SGCZ: variants seen among roughly 807,000 people sequenced by gnomAD.
SGCZ encodes sarcoglycan zeta.
In SGCZ, 40 loss-of-function variants were observed where a neutral mutation model predicts 41.3. The observed-to-expected ratio is 0.97, with a 90% CI of 0.75 to 1.26. SGCZ has a LOEUF of 1.26. SGCZ is among the 50% of genes most tolerant of loss of function. SGCZ has a pLI of 0.00. For synonymous variants in SGCZ, 206 were observed against 137.5 expected (o/e 1.50, Z -3.49); for missense variants, 552 against 369.8 (o/e 1.49, Z -4.04).
chr8:14,592,600 A>C (rs1346748661), intron 1 of SGCZ, among the ~76,000 whole-genome samples: 1 of 152,162 alleles, frequency 6.6e-6, no homozygotes, highest in Non-Finnish European at 1.5e-5. Flanking sequence ...TATTCAAAAA[A>C]AAAATCTGTA....
intron 1 of SGCZ, among the ~76,000 whole-genome samples, chr8:15,196,974 G>T (rs1189686554): frequency 1.3e-5 from 2 of 152,152 alleles, no homozygotes; most frequent in East Asian, 3.9e-4. Flanking sequence ...TTATTTACAT[G>T]GTGGTCTCAG....
At chr8:14,336,978 A>C (rs1487060031) in intron 2 of SGCZ, among the ~76,000 whole-genome samples, 2 of 152,146 alleles carry the variant, frequency 1.3e-5, no homozygotes, top group Non-Finnish European at 2.9e-5. Flanking sequence ...GCACTGTTCC[A>C]GGTGTACAGA....
intron 1 of SGCZ, among the ~76,000 whole-genome samples, chr8:14,954,108 C>T (rs74614577): frequency 6.6e-6 from 1 of 152,160 alleles, no homozygotes; most frequent in African/African-American, 2.4e-5. Flanking sequence ...AAAACAATAA[C>T]TTCATTCTAT....
chr8:14,482,573 C>T (rs1001194304), intron 2 of SGCZ, among the ~76,000 whole-genome samples: 1 of 152,106 alleles, frequency 6.6e-6, no homozygotes, highest in Non-Finnish European at 1.5e-5. Flanking sequence ...TAATTTTCTG[C>T]TTCGACTTGA....
intron 1 of SGCZ, among the ~76,000 whole-genome samples, chr8:14,988,110 T>C (rs1159401724): frequency 6.6e-6 from 1 of 152,016 alleles, no homozygotes; most frequent in Non-Finnish European, 1.5e-5. Context: ...AATGGTGATT[T>C]AAAATATATT....
intron 1 of SGCZ, among the ~76,000 whole-genome samples, chr8:15,065,823 T>A (rs534572447): frequency 3.3e-5 from 5 of 152,294 alleles, no homozygotes; most frequent in African/African-American, 1.2e-4. Flanking sequence ...AACCCATGAC[T>A]TGCTAGCACT....
intron 1 of SGCZ, among the ~76,000 whole-genome samples, chr8:14,847,297 T>C (rs2130644085): frequency 6.6e-6 from 1 of 152,262 alleles, no homozygotes; most frequent in Middle Eastern, 3.4e-3. Flanking sequence ...ATATGAAGAC[T>C]TGATAAAGGC....
intron 2 of SGCZ, among the ~76,000 whole-genome samples, chr8:14,419,460 T>A (rs534008039): frequency 8.5e-5 from 13 of 152,118 alleles, no homozygotes; most frequent in Admixed American, 7.9e-4. Flanking sequence ...ACTTTTGCTA[T>A]CCTCTATGAG....
At chr8:14,605,609 C>T (rs1045661552) in intron 1 of SGCZ, among the ~76,000 whole-genome samples, 7 of 152,104 alleles carry the variant, frequency 4.6e-5, no homozygotes, top group Non-Finnish European at 7.4e-5. Context: ...CTCTATCTCC[C>T]TAAGTTCAAT....
intron 1 of SGCZ, among the ~76,000 whole-genome samples, chr8:14,910,967 A>G (rs983996564): frequency 1.1e-4 from 16 of 152,008 alleles, no homozygotes; most frequent in African/African-American, 3.9e-4. Context: ...AACAATTATC[A>G]CACTTCTAAC....
intron 1 of SGCZ, among the ~76,000 whole-genome samples, chr8:15,003,895 G>C (rs1411275351): frequency 6.6e-6 from 1 of 152,112 alleles, no homozygotes; most frequent in Non-Finnish European, 1.5e-5. Context: ...CCGGGGTCAA[G>C]TCCTTTACAA....
chr8:14,226,321 T>C (rs1228917382), intron 4 of SGCZ, among the ~76,000 whole-genome samples: 4 of 152,070 alleles, frequency 2.6e-5, no homozygotes, highest in Non-Finnish European at 5.9e-5. Context: ...TGTGTAATCA[T>C]TACTACAGTC....
chr8:14,620,120 C>T (rs1427717057), intron 1 of SGCZ, among the ~76,000 whole-genome samples: 2 of 152,062 alleles, frequency 1.3e-5, no homozygotes, highest in Admixed American at 6.6e-5. Context: ...GAACAGAGCC[C>T]TCCAAATAAT....
At chr8:14,869,913 C>G (rs1485318899) in intron 1 of SGCZ, among the ~76,000 whole-genome samples, 1 of 152,154 alleles carries the variant, frequency 6.6e-6, no homozygotes, top group African/African-American at 2.4e-5. Flanking sequence ...CAAAACACTG[C>G]TCAAGTAACT....
intron 2 of SGCZ, among the ~76,000 whole-genome samples, chr8:14,546,978 T>C (rs967973709): frequency 3.3e-5 from 5 of 152,084 alleles, no homozygotes; most frequent in South Asian, 2.1e-4. Context: ...TAAAGTGTTA[T>C]TGTGAAACTC....
At chr8:14,118,684 TA>T (rs1383292183) in intron 5 of SGCZ, among the ~76,000 whole-genome samples, 1 of 152,206 alleles carries the variant, frequency 6.6e-6, no homozygotes, top group Non-Finnish European at 1.5e-5. Context: ...CCAGGGTTTT[TA>T]TGGTTTTAGG....
At chr8:14,317,659 A>G (rs933122134) in intron 3 of SGCZ, among the ~76,000 whole-genome samples, 3 of 152,028 alleles carry the variant, frequency 2.0e-5, no homozygotes, top group Admixed American at 2.0e-4. Flanking sequence ...GTTTCTGAAC[A>G]ACACGAAAGA....
chr8:14,650,381 C>T (rs1296725957), intron 1 of SGCZ, among the ~76,000 whole-genome samples: 1 of 152,000 alleles, frequency 6.6e-6, no homozygotes, highest in Non-Finnish European at 1.5e-5. Flanking sequence ...TTCAGGGTTA[C>T]ATGTGCAGGT....
chr8:14,552,252 A>T (rs1372988215), intron 2 of SGCZ, among the ~76,000 whole-genome samples: 1 of 152,084 alleles, frequency 6.6e-6, no homozygotes, highest in East Asian at 1.9e-4. Flanking sequence ...ATACAACATA[A>T]TCTCTAGTAT....
Sources: allele counts gnomAD v4.1 joint callset (sites outside exome capture counted in the v4.1 genomes callset), GRCh38; gene constraint gnomAD v4.1.1; transcripts MANE v1.5; gene names NCBI Gene and HGNC (gene_info 2026-07-23, HGNC 2026-07-21).